The following KATNAL2 variants were observed in gnomAD, a reference collection of about 807,000 sequenced individuals.
KATNAL2 encodes the protein katanin p60 ATPase-containing subunit A-like 2.
A neutral mutation model predicts 76.3 loss-of-function variants in KATNAL2; 52 were observed. The ratio of observed to expected loss-of-function variants is 0.68; its 90% confidence interval spans 0.55 to 0.86. The LOEUF is 0.86. Among genes scored for constraint, KATNAL2 ranks in the 40% least tolerant of loss-of-function variants. The probability of loss-of-function intolerance (pLI) is 0.00; values close to 1 mark genes in which losing one functional copy is unlikely to be tolerated. For synonymous variants in KATNAL2, 243 were observed against 244.2 expected (o/e 1.00, Z 0.05); for missense variants, 660 against 668.9 (o/e 0.99, Z 0.15).
rs1015787213 is a variant in KATNAL2 at position 47,031,889 on chromosome 18, C to CTG, written c.52-14556_52-14555dup. Among the ~76,000 whole-genome samples the CTG allele has an allele frequency of 5.9e-5, 9 of 151,758 alleles. No individual in the cohort carries two copies. The South Asian group carries it at 8.3e-4, about 14-fold the overall frequency. On this transcript the variant is annotated intron_variant, in intron 3 of 17. Transcript: ENST00000683218. ...CTTTGTCTCCATCCTGGCTTTTTTC[C>CTG]TGTGTGTGTGTGTATCATATCTGGC...
At chr18:46,927,896 A>G (rs897257537) in intron 1 of KATNAL2, among the ~76,000 whole-genome samples, 3 of 152,154 alleles carry the variant, frequency 2.0e-5, no homozygotes, top group African/African-American at 4.8e-5. Context: ...AGCCTTCTGC[A>G]TTCGTCACGT....
At chr18:47,055,231 G>A (rs2061439287) in intron 6 of KATNAL2, among the ~76,000 whole-genome samples, 1 of 152,192 alleles carries the variant, frequency 6.6e-6, no homozygotes, top group Non-Finnish European at 1.5e-5. Flanking sequence ...GGCCAGCTCT[G>A]GGGCATCGCA....
intron 11 of KATNAL2, 136 bp downstream of exon 11, chr18:47,067,255 C>A (rs1421657960): frequency 2.3e-6 from 1 of 428,676 alleles, no homozygotes; most frequent in South Asian, 6.1e-5. Flanking sequence ...TGTCACAGCA[C>A]TTTCTCAACC....
intron 2 of KATNAL2, 143 bp from the exon 3 acceptor site, chr18:46,946,711 A>G: frequency 9.4e-7 from 1 of 1,061,644 alleles, no homozygotes; most frequent in Non-Finnish European, 1.3e-6. Context: ...ATTGATTGGC[A>G]TGTTAAAGAA....
intron 3 of KATNAL2, chr18:47,033,793 G>T: frequency 1.2e-6 from 2 of 1,614,230 alleles, no homozygotes; most frequent in Non-Finnish European, 1.7e-6. Flanking sequence ...TGAAGAGAGT[G>T]CTTCTGGCTT....
At chr18:47,092,408 A>C (rs1249637720) in intron 15 of KATNAL2, among the ~76,000 whole-genome samples, 1 of 152,106 alleles carries the variant, frequency 6.6e-6, no homozygotes, top group African/African-American at 2.4e-5. Flanking sequence ...CCAAGGTGGG[A>C]GAATTGCTTG....
At chr18:46,955,140 C>CTCTCTCTCTTTCTTTCTTTCTT (rs1555834717) in intron 3 of KATNAL2, among the ~76,000 whole-genome samples, 9 of 85,074 alleles carry the variant, frequency 1.1e-4, no homozygotes, top group Middle Eastern at 5.3e-3. Flanking sequence ...CTTTCTCTCT[C>CTCTCTCTCTTTCTTTCTTTCTT]TCTTTCTTTC....
At chr18:46,939,112 C>A (rs183631264) in intron 1 of KATNAL2, among the ~76,000 whole-genome samples, 2 of 151,978 alleles carry the variant, frequency 1.3e-5, no homozygotes, top group Non-Finnish European at 2.9e-5. Context: ...GAGGCCGAGG[C>A]GGGCAGATCA....
At chr18:46,918,813 C>A (rs868098818) in intron 1 of KATNAL2, among the ~76,000 whole-genome samples, 33 of 152,238 alleles carry the variant, frequency 2.2e-4, no homozygotes, top group South Asian at 6.2e-4. Context: ...GTTCATCCTT[C>A]AGGTTTCACT....
intron 13 of KATNAL2, among the ~76,000 whole-genome samples, chr18:47,070,862 T>C (rs1381153323): frequency 1.3e-5 from 2 of 152,204 alleles, no homozygotes; most frequent in Non-Finnish European, 2.9e-5. Flanking sequence ...TACATTGATA[T>C]CTTCTATTTC....
chr18:46,920,609 C>T (rs1202515458), intron 1 of KATNAL2, among the ~76,000 whole-genome samples: 1 of 152,170 alleles, frequency 6.6e-6, no homozygotes, highest in East Asian at 1.9e-4. Context: ...CTTTGTCTCA[C>T]CAGACCAGAT....
chr18:46,932,446 G>A (rs1420719977), intron 1 of KATNAL2, among the ~76,000 whole-genome samples: 4 of 151,816 alleles, frequency 2.6e-5, no homozygotes, highest in African/African-American at 7.2e-5. Context: ...AGACCAAGGC[G>A]AGTGGATTAC....
In KATNAL2 at chr18:46,952,042, G is replaced by T. The variant is rs1020370627; in HGVS notation, c.51+5119G>T. Among the ~76,000 whole-genome samples, 10 of 151,934 alleles carry T rather than the reference G, an allele frequency of 6.6e-5. No individual in the cohort carries two copies. In the East Asian group the frequency reaches 1.9e-3, roughly 29 times the overall value. ...CCTGCCTTGACCTCCCAAAGTGCTGGGATTACAGGCATGAGCCACCATGCT... is the reference window on the plus strand; with the variant it reads ...CCTGCCTTGACCTCCCAAAGTGCTGTGATTACAGGCATGAGCCACCATGCT... On this transcript the variant is annotated intron_variant, in intron 3 of 17. Coordinates refer to ENST00000683218, the MANE Select transcript of KATNAL2 (RefSeq NM_001387690.1).
chr18:46,944,379 G>A (rs752829380), intron 1 of KATNAL2, among the ~76,000 whole-genome samples: 1 of 152,150 alleles, frequency 6.6e-6, no homozygotes, highest in Non-Finnish European at 1.5e-5. Context: ...GGTATAATGA[G>A]TATTAACACA....
rs1599786324 is a variant in KATNAL2, at chr18:47,077,690, T to C, written c.1211+229T>C. ...GGGTGACCATTAACAATATTTAAAA[T>C]GGACATTTCAAGATTAAAGCCAAAT... On this transcript the variant is annotated intron_variant, in intron 15 of 17. Coordinates refer to ENST00000683218, the MANE Select transcript of KATNAL2 (RefSeq NM_001387690.1). 3.6e-5 allele frequency: 15 copies of C among 422,298 alleles called. No individual in the cohort carries two copies. In the East Asian group the frequency reaches 5.0e-4, roughly 14 times the overall value. 26.2% of individuals were successfully genotyped at this position (422,298 alleles called of 1,614,324 possible).
chr18:47,031,754 G>A (rs528225658), intron 3 of KATNAL2, among the ~76,000 whole-genome samples: 1 of 152,040 alleles, frequency 6.6e-6, no homozygotes, highest in Non-Finnish European at 1.5e-5. Flanking sequence ...GCTGAGGTAG[G>A]GCCTTGAGCC....
intron 3 of KATNAL2, among the ~76,000 whole-genome samples, chr18:46,949,632 C>T (rs1207105924): frequency 6.6e-6 from 1 of 152,222 alleles, no homozygotes; most frequent in Non-Finnish European, 1.5e-5. Flanking sequence ...GTGAAACCAC[C>T]ATTCATCCGA....
chr18:47,049,021 G>A (rs1402224164), intron 4 of KATNAL2, among the ~76,000 whole-genome samples: 1 of 151,878 alleles, frequency 6.6e-6, no homozygotes, highest in Non-Finnish European at 1.5e-5. Context: ...ATTTTTAGTA[G>A]AGACGGGGTT....
intron 1 of KATNAL2, among the ~76,000 whole-genome samples, chr18:46,939,713 T>C (rs1286749355): frequency 1.3e-5 from 2 of 152,186 alleles, no homozygotes; most frequent in Admixed American, 6.5e-5. Flanking sequence ...AAGTTTGAGC[T>C]GATTGATGTG....
Sources: allele counts gnomAD v4.1 joint callset (sites outside exome capture counted in the v4.1 genomes callset), GRCh38; gene constraint gnomAD v4.1.1; transcripts MANE v1.5; gene names NCBI Gene and HGNC (gene_info 2026-07-23, HGNC 2026-07-21).